PLXNC1: variants seen among roughly 807,000 people sequenced by gnomAD.
PLXNC1 encodes the protein plexin-C1.
In PLXNC1, 75 loss-of-function variants were observed where a neutral mutation model predicts 178.2. The ratio of observed to expected loss-of-function variants is 0.42; its 90% CI spans 0.35 to 0.51. The LOEUF (loss-of-function observed/expected upper bound fraction) is 0.51. PLXNC1 is among the 20% of genes least tolerant of loss of function. The pLI is 0.02. For synonymous variants in PLXNC1, 790 were observed against 779.9 expected, an observed-to-expected ratio of 1.01 and a Z score of -0.22; for missense variants, 1,503 against 1,984.4, an observed-to-expected ratio of 0.76 and a Z score of 4.61.
At chr12:94,215,556 TGATAGATAGATAGATAGATA>T (rs3032367) in intron 5 of PLXNC1, among the ~76,000 whole-genome samples, 1 of 149,222 alleles carries the variant, frequency 6.7e-6, no homozygotes, top group East Asian at 2.0e-4. Context: ...CAAACATAGA[TGATAGATAGATAGATAGATA>T]GATAGATAGA....
At chr12:94,259,067 C>T (rs1044157057) in intron 17 of PLXNC1, among the ~76,000 whole-genome samples, 4 of 152,182 alleles carry the variant, frequency 2.6e-5, no homozygotes, top group Non-Finnish European at 4.4e-5. Flanking sequence ...TCTTCTAAAA[C>T]GTGGGATGAT....
chr12:94,262,386 T>C, intron 20 of PLXNC1: 1 of 617,472 alleles, frequency 1.6e-6, no homozygotes, highest in Non-Finnish European at 2.0e-6. Context: ...TCCAGCTCTT[T>C]CTACTGGATC....
intron 15 of PLXNC1, among the ~76,000 whole-genome samples, chr12:94,252,714 G>A (rs1458598104): frequency 6.6e-6 from 1 of 152,224 alleles, no homozygotes; most frequent in Non-Finnish European, 1.5e-5. Flanking sequence ...CTGAGTAGCA[G>A]CTACGCCCTA....
At chr12:94,185,888 C>G (rs1962490999) in intron 3 of PLXNC1, 1 of 158,214 alleles carries the variant, frequency 6.3e-6, no homozygotes, top group Admixed American at 6.0e-5. Context: ...ATTCCATGAT[C>G]CGTATGGAAA....
At chr12:94,211,793 A>G (rs1183010088) in intron 5 of PLXNC1, among the ~76,000 whole-genome samples, 1 of 152,250 alleles carries the variant, frequency 6.6e-6, no homozygotes, top group Non-Finnish European at 1.5e-5. Context: ...CAAGATGCAT[A>G]AAAGTGTTCC....
intron 5 of PLXNC1, among the ~76,000 whole-genome samples, chr12:94,219,803 T>TTTTTTTTATTTA (rs1555200397): frequency 1.7e-5 from 2 of 116,484 alleles, no homozygotes; most frequent in East Asian, 6.0e-4. Context: ...TCTTTTATAT[T>TTTTTTTTATTTA]TTTATTTATT....
Position 94,306,534 on chromosome 12 carries a change from A to G in PLXNC1, c.*1249A>G, listed in dbSNP as rs964722411. 6.6e-6 allele frequency: 1 copy of G among 152,144 alleles called. No individual in the cohort carries two copies. Among genetic ancestry groups the G allele is most frequent in the African/African-American group, 2.4e-5 (1 of 41,440 alleles). The allele number at this position is 152,144 out of a possible 1,614,324, so 9.4% of individuals were successfully genotyped here. ...TTTAATACCACTGTGTTTTCCTTCT[A>G]TTAAACCAGAAGAAGTAAACAGCAT... On this transcript the variant is annotated 3_prime_UTR_variant, in exon 31 of 31. Transcript: ENST00000258526.
intron 23 of PLXNC1, 28 bp from the exon 24 acceptor site, chr12:94,294,458 C>G (rs1335342989): frequency 9.5e-7 from 1 of 1,050,990 alleles, no homozygotes; most frequent in South Asian, 1.3e-5. Flanking sequence ...ATTTTGAACA[C>G]TCATATATCT....
chr12:94,178,855 A>G (rs748344728), intron 2 of PLXNC1, among the ~76,000 whole-genome samples: 1 of 152,204 alleles, frequency 6.6e-6, no homozygotes, highest in Non-Finnish European at 1.5e-5. Flanking sequence ...GACTTGAGAC[A>G]CACACCTTTC....
chr12:94,171,839 C>A (rs1021580807), intron 2 of PLXNC1, among the ~76,000 whole-genome samples: 3 of 152,136 alleles, frequency 2.0e-5, no homozygotes, highest in African/African-American at 7.2e-5. Context: ...CCCCCAAGCC[C>A]CCAATAAGAG....
chr12:94,241,824 T>G (rs576584713), intron 11 of PLXNC1, among the ~76,000 whole-genome samples: 1 of 152,278 alleles, frequency 6.6e-6, no homozygotes, highest in East Asian at 1.9e-4. Context: ...GTAATAAAGA[T>G]TCCTCCTAGT....
intron 9 of PLXNC1, chr12:94,227,470 T>A (rs1963977641): frequency 2.7e-6 from 1 of 363,942 alleles, no homozygotes; most frequent in Non-Finnish European, 5.1e-6. Flanking sequence ...GATGTTGCTC[T>A]GGTCGAAATA....
At chr12:94,201,944 T>C (rs1963140997) in intron 4 of PLXNC1, among the ~76,000 whole-genome samples, 1 of 151,776 alleles carries the variant, frequency 6.6e-6, no homozygotes, top group African/African-American at 2.4e-5. Flanking sequence ...TTTTTTGTAT[T>C]TTTATTAGAG....
At chr12:94,240,944 C>G (rs766135117) in intron 11 of PLXNC1, among the ~76,000 whole-genome samples, 46 of 152,150 alleles carry the variant, frequency 3.0e-4, no homozygotes, top group Non-Finnish European at 4.9e-4. Flanking sequence ...ATATATGACA[C>G]TCTTTACTAT....
Position 94,279,476 on chromosome 12 carries a change from T to C in PLXNC1, c.3602T>C (p.Leu1201Ser). The C allele has an allele frequency of 6.2e-7, 1 of 1,612,844 alleles. No homozygotes were observed. Reference protein sequence around the residue: ...WQVPEFSTVALNVVFEKIPEN... With the variant: ...WQVPEFSTVASNVVFEKIPEN... The stretch of plus-strand genomic sequence containing the variant: ...AACCTGTTTGTACTCTTGCAGGCAT[T>C]AAACGTCGTCTTTGAAAAAATCCCG... Residue 1201 changes from leucine to serine, a missense_variant, in exon 22 of 31, where the codon TTA (leucine) becomes TCA (serine). Transcript: ENST00000258526.
At chr12:94,183,820 T>C (rs1430977458) in intron 3 of PLXNC1, among the ~76,000 whole-genome samples, 1 of 152,174 alleles carries the variant, frequency 6.6e-6, no homozygotes, top group African/African-American at 2.4e-5. Context: ...GGAAGAGTTT[T>C]TGACTGGGCA....
At chr12:94,270,316 A>C (rs1965494913) in intron 21 of PLXNC1, among the ~76,000 whole-genome samples, 1 of 152,198 alleles carries the variant, frequency 6.6e-6, no homozygotes, top group African/African-American at 2.4e-5. Context: ...TATTGTCTAT[A>C]GCTGCTTTCC....
chr12:94,245,045 C>T (rs963515186), intron 12 of PLXNC1, among the ~76,000 whole-genome samples: 3 of 152,310 alleles, frequency 2.0e-5, no homozygotes, highest in South Asian at 2.1e-4. Flanking sequence ...ACCCAAATTC[C>T]GGGGGCCGCC....
chr12:94,197,718 C>T (rs1313867473), intron 4 of PLXNC1, among the ~76,000 whole-genome samples: 1 of 152,112 alleles, frequency 6.6e-6, no homozygotes, highest in African/African-American at 2.4e-5. Context: ...CATTATTCTG[C>T]CTACTACTGG....
Sources: allele counts gnomAD v4.1 joint callset (sites outside exome capture counted in the v4.1 genomes callset), GRCh38; gene constraint gnomAD v4.1.1; transcripts MANE v1.5; gene names NCBI Gene and HGNC (gene_info 2026-07-23, HGNC 2026-07-21).